PSKH1: variants seen among roughly 807,000 people sequenced by gnomAD.
The protein encoded by PSKH1 is serine/threonine-protein kinase H1.
Under a neutral mutation model 26.7 loss-of-function variants are expected in PSKH1, and 12 were observed. That is an observed-to-expected ratio of 0.45 (90% CI 0.29 to 0.73). The LOEUF (loss-of-function observed/expected upper bound fraction) is 0.73, where lower values mean the gene tolerates loss of function less well. PSKH1 is among the 30% of genes least tolerant of loss of function. The pLI, the probability that PSKH1 is intolerant of heterozygous loss-of-function variation, is 0.11. For missense variants in PSKH1, 431 were observed against 595.2 expected, an observed-to-expected ratio of 0.72 and a Z score of 2.87; for synonymous variants, 213 against 234.3, an observed-to-expected ratio of 0.91 and a Z score of 0.83.
In PSKH1 at chr16:67,929,598, T is replaced by C. The variant is rs777020054; in HGVS notation, c.*1956T>C. ...ATGGAGAATGTGCAGTTATTTATTA[T>C]GCGTATTCAGTTTGTAAACGTATCC... On this transcript the variant is annotated 3_prime_UTR_variant, in exon 3 of 3. Coordinates refer to ENST00000291041, the MANE Select transcript of PSKH1 (RefSeq NM_006742.3). 4.8e-5 allele frequency: 14 copies of C among 290,334 alleles called. No homozygotes were observed. The highest frequency in any genetic ancestry group is 2.1e-4 in the African/African-American group (10 of 47,204). The allele number at this position is 290,334 out of a possible 1,614,324, so 18.0% of individuals were successfully genotyped here.
Position 67,909,049 on chromosome 16 carries a change from C to T in PSKH1, c.300C>T (p.Ile100=), listed in dbSNP as rs1322475458. Reference sequence around the variant, plus strand: ...CACGTGTTACAGCTAAGTATGACATCAAGGCCCTAATTGGCCGAGGCAGCT... The same window carrying T: ...CACGTGTTACAGCTAAGTATGACATTAAGGCCCTAATTGGCCGAGGCAGCT... ...FDPRVTAKYD[I]KALIGRGSFS... The change falls in exon 2 of 3, where the codon ATC becomes ATT. Residue 100 remains isoleucine (I), a synonymous_variant. Coordinates refer to ENST00000291041, the MANE Select transcript of PSKH1 (RefSeq NM_006742.3). The surrounding 1 kb of genome is among the most constrained non-coding windows in gnomAD (Gnocchi z 7.8). 6 of 1,614,212 alleles carry T rather than the reference C, an allele frequency of 3.7e-6. No individual in the cohort carries two copies. Among genetic ancestry groups the T allele is most frequent in the South Asian group, 1.1e-5 (1 of 91,086 alleles).
intron 1 of PSKH1, among the ~76,000 whole-genome samples, chr16:67,901,232 C>G (rs181069078): frequency 6.6e-6 from 1 of 152,210 alleles, no homozygotes; most frequent in African/African-American, 2.4e-5. Context: ...TACAGAGTTT[C>G]TGATTGGAAT....
At chr16:67,912,222 A>T (rs552680423) in intron 2 of PSKH1, among the ~76,000 whole-genome samples, 11 of 152,234 alleles carry the variant, frequency 7.2e-5, no homozygotes, top group Non-Finnish European at 1.5e-4. Context: ...GGGAAGCCAG[A>T]GAATAGTCCC....
intron 1 of PSKH1, among the ~76,000 whole-genome samples, chr16:67,907,440 T>C (rs1019282089): frequency 1.3e-5 from 2 of 152,032 alleles, no homozygotes; most frequent in Non-Finnish European, 2.9e-5. Context: ...TTTGTACTTG[T>C]AGTAGAAATG....
intron 2 of PSKH1, among the ~76,000 whole-genome samples, chr16:67,919,087 G>T (rs2151314242): frequency 6.6e-6 from 1 of 152,254 alleles, no homozygotes; most frequent in African/African-American, 2.4e-5. Flanking sequence ...ATGTGAGCAG[G>T]GATAGGACCT....
At chr16:67,898,945 C>T (rs1267598262) in intron 1 of PSKH1, among the ~76,000 whole-genome samples, 1 of 152,080 alleles carries the variant, frequency 6.6e-6, no homozygotes, top group Non-Finnish European at 1.5e-5. Context: ...CAAAACATGT[C>T]AGTAGAATAT....
At chr16:67,896,535 CTTT>C (rs959626962) in intron 1 of PSKH1, among the ~76,000 whole-genome samples, 1 of 80,950 alleles carries the variant, frequency 1.2e-5, no homozygotes, top group Admixed American at 1.5e-4. Context: ...TAGTGTGCTT[CTTT>C]TTTTTTTTTT....
intron 2 of PSKH1, among the ~76,000 whole-genome samples, chr16:67,912,382 C>G (rs962079926): frequency 1.3e-5 from 2 of 152,114 alleles, no homozygotes; most frequent in Admixed American, 6.5e-5. Context: ...CTTTTGGTGT[C>G]TATGGAAGGC....
intron 1 of PSKH1, among the ~76,000 whole-genome samples, chr16:67,900,618 T>C (rs2058138980): frequency 6.6e-6 from 1 of 152,180 alleles, no homozygotes; most frequent in South Asian, 2.1e-4. Context: ...CACCACCGTC[T>C]GAGTGGCTTT....
chr16:67,904,821 ATT>A (rs942779122), intron 1 of PSKH1, among the ~76,000 whole-genome samples: 49 of 115,902 alleles, frequency 4.2e-4, no homozygotes, highest in African/African-American at 8.3e-4. Context: ...TCCTTTTTTA[ATT>A]TTTTTTTTTT....
intron 2 of PSKH1, among the ~76,000 whole-genome samples, chr16:67,925,383 G>A (rs7198866): frequency 0.038 from 5,680 of 151,428 alleles, 307 homozygotes; most frequent in African/African-American, 0.12. Flanking sequence ...TAGTAGAGAC[G>A]GGGTTTCACC....
intron 2 of PSKH1, among the ~76,000 whole-genome samples, chr16:67,922,347 A>C (rs183136579): frequency 4.7e-4 from 71 of 152,344 alleles, no homozygotes; most frequent in Middle Eastern, 3.4e-3. Context: ...ACGTAAGTAC[A>C]GAAAGGAGGC....
At chr16:67,903,662 A>G (rs1031554806) in intron 1 of PSKH1, among the ~76,000 whole-genome samples, 2 of 151,730 alleles carry the variant, frequency 1.3e-5, no homozygotes, top group Admixed American at 1.3e-4. Flanking sequence ...CACCCCACAC[A>G]TCCAAAACTG....
At chr16:67,896,343 A>G (rs1444626237) in intron 1 of PSKH1, among the ~76,000 whole-genome samples, 1 of 151,854 alleles carries the variant, frequency 6.6e-6, no homozygotes, top group Non-Finnish European at 1.5e-5. Flanking sequence ...TCCTGACCTC[A>G]GGTGATCCAC....
chr16:67,894,086 C>T (rs2058119573), intron 1 of PSKH1, among the ~76,000 whole-genome samples: 1 of 152,226 alleles, frequency 6.6e-6, no homozygotes, highest in South Asian at 2.1e-4. Context: ...CACTTCTGTG[C>T]TCCCTTTACG....
chr16:67,921,571 A>G (rs2058202728), intron 2 of PSKH1, among the ~76,000 whole-genome samples: 1 of 151,702 alleles, frequency 6.6e-6, no homozygotes, highest in Non-Finnish European at 1.5e-5. Context: ...ACAGAGTGAG[A>G]CTCTGTCTCT....
intron 1 of PSKH1, among the ~76,000 whole-genome samples, chr16:67,894,465 G>A (rs1008989147): frequency 2.0e-5 from 3 of 152,102 alleles, no homozygotes; most frequent in Admixed American, 6.6e-5. Context: ...TTTAGATAAC[G>A]CAGTTTTCTC....
intron 2 of PSKH1, among the ~76,000 whole-genome samples, chr16:67,913,240 A>G (rs2058178078): frequency 1.3e-5 from 2 of 150,024 alleles, no homozygotes; most frequent in Non-Finnish European, 3.0e-5. Context: ...TCCGCCTCTC[A>G]GGTTCAAGTG....
intron 2 of PSKH1, among the ~76,000 whole-genome samples, chr16:67,919,191 A>G (rs1598192556): frequency 6.6e-6 from 1 of 152,084 alleles, no homozygotes; most frequent in Non-Finnish European, 1.5e-5. Context: ...GGAAGCGGGG[A>G]GCGTGTTTCC....
Sources: gnomAD v4.1 joint callset for allele counts (sites outside exome capture counted in the v4.1 genomes callset) on GRCh38, gnomAD v4.1.1 for gene constraint, Gnocchi (gnomAD v3.1) non-coding constraint, MANE v1.5 for transcripts, NCBI Gene and HGNC (gene_info 2026-07-23, HGNC 2026-07-21) for gene names.